PLPPR1: variants seen among roughly 807,000 people sequenced by gnomAD.
PLPPR1 encodes the protein phospholipid phosphatase related 1.
Under a neutral mutation model 33.1 loss-of-function variants are expected in PLPPR1, and 10 were observed. That is an observed-to-expected ratio of 0.30 (90% CI 0.19 to 0.51). The LOEUF is 0.51. Ranked by LOEUF, PLPPR1 falls within the 20% of genes least tolerant of loss-of-function variation. The pLI is 0.97. For synonymous variants in PLPPR1, 151 were observed against 151.0 expected, an observed-to-expected ratio of 1.00 and a Z score of 0.00; for missense variants, 304 against 408.1, an observed-to-expected ratio of 0.74 and a Z score of 2.20.
intron 2 of PLPPR1, among the ~76,000 whole-genome samples, chr9:101,186,536 G>A (rs1277601396): frequency 6.6e-6 from 1 of 151,712 alleles, no homozygotes; most frequent in Non-Finnish European, 1.5e-5. Flanking sequence ...AAACAAAGTT[G>A]GGTTAAACTA....
At chr9:101,050,846 T>C (rs1830213541) in intron 1 of PLPPR1, among the ~76,000 whole-genome samples, 1 of 152,206 alleles carries the variant, frequency 6.6e-6, no homozygotes, top group African/African-American at 2.4e-5. Flanking sequence ...CTGAAACCCT[T>C]GTGTTACCAC....
At chr9:101,031,660 T>C (rs754119672) in intron 1 of PLPPR1, among the ~76,000 whole-genome samples, 6 of 152,216 alleles carry the variant, frequency 3.9e-5, no homozygotes, top group Non-Finnish European at 7.3e-5. Flanking sequence ...CTGCTGTAAT[T>C]GTAGGTTAAA....
At chr9:101,218,221 A>G (rs1826845290) in intron 2 of PLPPR1, among the ~76,000 whole-genome samples, 2 of 152,168 alleles carry the variant, frequency 1.3e-5, no homozygotes, top group African/African-American at 2.4e-5. Context: ...CATTGGGAAT[A>G]TGAGATAGCA....
At chr9:101,201,821 A>G (rs760761573) in intron 2 of PLPPR1, among the ~76,000 whole-genome samples, 4 of 152,146 alleles carry the variant, frequency 2.6e-5, no homozygotes, top group Non-Finnish European at 5.9e-5. Context: ...AGAGTTATTT[A>G]TAGGATTCTG....
At chr9:101,306,216 T>C (rs563702864) in intron 4 of PLPPR1, among the ~76,000 whole-genome samples, 1 of 152,020 alleles carries the variant, frequency 6.6e-6, no homozygotes, top group South Asian at 2.1e-4. Flanking sequence ...AAGATGTTTG[T>C]GGGGTTCCCA....
intron 2 of PLPPR1, among the ~76,000 whole-genome samples, chr9:101,259,322 G>T (rs1827855007): frequency 6.6e-6 from 1 of 152,138 alleles, no homozygotes; most frequent in African/African-American, 2.4e-5. Context: ...ATGGTAGGCT[G>T]CTTCTATCCA....
chr9:101,180,267 GA>G (rs1028767635), intron 1 of PLPPR1, among the ~76,000 whole-genome samples: 6 of 148,534 alleles, frequency 4.0e-5, no homozygotes, highest in Non-Finnish European at 7.4e-5. Flanking sequence ...TGTCCCTCTG[GA>G]AAACCCTGAT....
intron 4 of PLPPR1, among the ~76,000 whole-genome samples, chr9:101,304,595 A>C (rs937415966): frequency 6.6e-6 from 1 of 152,218 alleles, no homozygotes; most frequent in African/African-American, 2.4e-5. Context: ...AGATTTTTCC[A>C]ACATCCGATG....
intron 2 of PLPPR1, among the ~76,000 whole-genome samples, chr9:101,249,622 G>GT (rs1293805024): frequency 2.0e-5 from 3 of 151,998 alleles, no homozygotes; most frequent in African/African-American, 7.2e-5. Context: ...TGGCAGCCCG[G>GT]TTAGGTGTGG....
chr9:101,225,391 G>T (rs1827042392), intron 2 of PLPPR1, among the ~76,000 whole-genome samples: 1 of 152,106 alleles, frequency 6.6e-6, no homozygotes, highest in African/African-American at 2.4e-5. Flanking sequence ...AGGCACCGCA[G>T]ATGGATTTAA....
intron 1 of PLPPR1, among the ~76,000 whole-genome samples, chr9:101,051,325 C>G (rs1253107481): frequency 6.6e-6 from 1 of 152,102 alleles, no homozygotes; most frequent in Non-Finnish European, 1.5e-5. Flanking sequence ...CTCTCTGTCT[C>G]TCTCTTGCTA....
intron 1 of PLPPR1, among the ~76,000 whole-genome samples, chr9:101,110,409 C>T (rs1462663607): frequency 6.6e-6 from 1 of 152,094 alleles, no homozygotes; most frequent in Non-Finnish European, 1.5e-5. Context: ...AGACATCTAG[C>T]AAAATTAAAA....
chr9:101,078,469 A>G (rs367934363), intron 1 of PLPPR1, among the ~76,000 whole-genome samples: 6 of 152,054 alleles, frequency 3.9e-5, no homozygotes, highest in African/African-American at 1.4e-4. Context: ...TTGGGAATCA[A>G]ATTTGTGTGT....
chr9:101,070,177 A>G (rs963795213), intron 1 of PLPPR1, among the ~76,000 whole-genome samples: 1 of 152,072 alleles, frequency 6.6e-6, no homozygotes, highest in Admixed American at 6.6e-5. Flanking sequence ...CTCCGACTTC[A>G]TGGGGTCAGG....
intron 1 of PLPPR1, among the ~76,000 whole-genome samples, chr9:101,124,872 C>T (rs534572048): frequency 9.2e-5 from 14 of 152,284 alleles, no homozygotes; most frequent in South Asian, 4.1e-4. Context: ...GATGAGTTAA[C>T]GAATGGAATG....
chr9:101,245,503 A>G (rs541035084), intron 2 of PLPPR1, among the ~76,000 whole-genome samples: 27 of 152,174 alleles, frequency 1.8e-4, no homozygotes, highest in African/African-American at 6.3e-4. Flanking sequence ...AGCTGTATAT[A>G]TGAGAAGTCT....
intron 1 of PLPPR1, among the ~76,000 whole-genome samples, chr9:101,084,571 GCGGAAAAC>G (rs1830656195): frequency 6.6e-6 from 1 of 152,168 alleles, no homozygotes; most frequent in Non-Finnish European, 1.5e-5. Flanking sequence ...AAAGAAAAAA[GCGGAAAAC>G]CAGAGCTTCA....
intron 2 of PLPPR1, among the ~76,000 whole-genome samples, chr9:101,190,100 C>A (rs888217393): frequency 6.6e-5 from 10 of 152,100 alleles, no homozygotes; most frequent in African/African-American, 2.2e-4. Context: ...TATTCAGCAA[C>A]CAAACTTGTA....
intron 1 of PLPPR1, among the ~76,000 whole-genome samples, chr9:101,175,920 A>G (rs935026019): frequency 6.6e-6 from 1 of 152,198 alleles, no homozygotes; most frequent in Non-Finnish European, 1.5e-5. Flanking sequence ...GATGCTTTAT[A>G]TAAAAGAAAA....
Sources: gnomAD v4.1 joint callset for allele counts (sites outside exome capture counted in the v4.1 genomes callset) on GRCh38, gnomAD v4.1.1 for gene constraint, MANE v1.5 for transcripts, NCBI Gene and HGNC (gene_info 2026-07-23, HGNC 2026-07-21) for gene names.